Variants in DLGAP2 observed in about 807,000 individuals in gnomAD.
DLGAP2 encodes the protein disks large-associated protein 2.
In DLGAP2, 26 loss-of-function variants were observed where a neutral mutation model predicts 100.3. The ratio of observed to expected loss-of-function variants is 0.26; its 90% confidence interval spans 0.19 to 0.36. The LOEUF is 0.36. DLGAP2 is among the 10% of genes least tolerant of loss of function. The pLI, the probability that DLGAP2 is intolerant of heterozygous loss-of-function variation, is 1.00. For missense variants in DLGAP2, 1,858 were observed against 1,453.2 expected, an observed-to-expected ratio of 1.28 and a Z score of -4.53; for synonymous variants, 886 against 630.1, an observed-to-expected ratio of 1.41 and a Z score of -6.08.
intron 3 of DLGAP2, among the ~76,000 whole-genome samples, chr8:1,482,087 G>C (rs1799115387): frequency 1.3e-5 from 2 of 152,360 alleles, no homozygotes; most frequent in Non-Finnish European, 2.9e-5. Flanking sequence ...AGAAATGAAA[G>C]CATCCAAGTG....
chr8:1,048,729 G>A (rs770087739), intron 2 of DLGAP2, among the ~76,000 whole-genome samples: 4 of 151,912 alleles, frequency 2.6e-5, no homozygotes, highest in Admixed American at 6.6e-5. Flanking sequence ...CTGGGGCTGC[G>A]GTGGGCCTAG....
chr8:1,029,543 G>A (rs771175143), intron 2 of DLGAP2, among the ~76,000 whole-genome samples: 36 of 131,320 alleles, frequency 2.7e-4, no homozygotes, highest in South Asian at 5.2e-4. Flanking sequence ...GACGACCAAC[G>A]GTGTCCAGCA....
chr8:899,970 A>G (rs1798217482), intron 1 of DLGAP2, among the ~76,000 whole-genome samples: 2 of 152,266 alleles, frequency 1.3e-5, no homozygotes, highest in South Asian at 4.1e-4. Flanking sequence ...CCATCCCAGA[A>G]GGCAGAAGAC....
At chr8:1,697,599 C>T (rs538717679) in intron 14 of DLGAP2, among the ~76,000 whole-genome samples, 1 of 152,374 alleles carries the variant, frequency 6.6e-6, no homozygotes, top group African/African-American at 2.4e-5. Context: ...CACAAGCAAA[C>T]CTGCAGCCTC....
intron 2 of DLGAP2, among the ~76,000 whole-genome samples, chr8:1,199,955 G>A (rs1053090108): frequency 5.5e-5 from 8 of 145,442 alleles, no homozygotes; most frequent in Non-Finnish European, 9.2e-5. Flanking sequence ...ACAACCCCCC[G>A]CAGAGGCCGG....
chr8:1,467,295 C>T (rs1217580592), intron 3 of DLGAP2, among the ~76,000 whole-genome samples: 1 of 152,184 alleles, frequency 6.6e-6, no homozygotes, highest in Non-Finnish European at 1.5e-5. Flanking sequence ...ACATCCAGCC[C>T]TCCTTATGGT....
chr8:1,439,846 T>C (rs949788204), intron 3 of DLGAP2, among the ~76,000 whole-genome samples: 3 of 152,184 alleles, frequency 2.0e-5, no homozygotes, highest in African/African-American at 7.2e-5. Context: ...GTGAGGTGCT[T>C]GCTCTGGAGG....
intron 2 of DLGAP2, among the ~76,000 whole-genome samples, chr8:1,128,383 C>T (rs1442539208): frequency 6.6e-6 from 1 of 152,210 alleles, no homozygotes; most frequent in Non-Finnish European, 1.5e-5. Flanking sequence ...TCTGTGAGGG[C>T]CTGCAGGGAA....
intron 2 of DLGAP2, among the ~76,000 whole-genome samples, chr8:1,069,954 C>T (rs1803377258): frequency 6.6e-6 from 1 of 152,174 alleles, no homozygotes; most frequent in South Asian, 2.1e-4. Flanking sequence ...CGTCAGAGGA[C>T]AGAGGGAAGG....
chr8:996,093 C>G (rs137863425), intron 2 of DLGAP2, among the ~76,000 whole-genome samples: 2 of 152,172 alleles, frequency 1.3e-5, no homozygotes, highest in Non-Finnish European at 2.9e-5. Context: ...AAAGTAGTTC[C>G]TCAGACCAGT....
chr8:1,287,470 G>C (rs1196366456), intron 3 of DLGAP2, among the ~76,000 whole-genome samples: 1 of 69,642 alleles, frequency 1.4e-5, no homozygotes, highest in East Asian at 3.7e-4. Flanking sequence ...TTTCGGTTCA[G>C]CGTGTGTGTG....
chr8:1,095,507 G>A (rs763079531), intron 2 of DLGAP2, among the ~76,000 whole-genome samples: 4 of 152,170 alleles, frequency 2.6e-5, no homozygotes, highest in Non-Finnish European at 4.4e-5. Flanking sequence ...TCTACTTCCT[G>A]GTGACCTTTC....
chr8:1,326,510 G>A (rs1327665716), intron 3 of DLGAP2, among the ~76,000 whole-genome samples: 2 of 151,848 alleles, frequency 1.3e-5, no homozygotes, highest in Non-Finnish European at 2.9e-5. Flanking sequence ...CTCAGGACAC[G>A]GCGTGCACTC....
intron 2 of DLGAP2, among the ~76,000 whole-genome samples, chr8:1,195,273 C>G (rs938849019): frequency 2.0e-5 from 3 of 152,298 alleles, no homozygotes; most frequent in East Asian, 3.9e-4. Context: ...TGGCCAAGCA[C>G]CCAGTTAGAA....
Position 1,098,761 on chromosome 8 carries a change from G to A in DLGAP2, c.74-160090G>A, listed in dbSNP as rs560346800. On this transcript the variant is annotated intron_variant, in intron 2 of 14. Coordinates refer to ENST00000637795, the MANE Select transcript of DLGAP2 (RefSeq NM_001346810.2). ...ACGCCAGGCTCCCGGCCGCCCACGG[G>A]CGCCGCCACCCACGCCAGGCTCCCG... Among the ~76,000 whole-genome samples, 511 of 105,044 alleles carry A rather than the reference G, an allele frequency of 4.9e-3. 1 individual carries two copies. The highest frequency in any genetic ancestry group is 0.015 in the African/African-American group (452 of 29,490). 68.9% of individuals were successfully genotyped at this position (105,044 alleles called of 152,430 possible). A position where few individuals can be genotyped will look rare whatever the true frequency, so the allele number is the denominator to read the frequency against.
chr8:818,617 G>A (rs1483186811), intron 1 of DLGAP2, among the ~76,000 whole-genome samples: 1 of 152,204 alleles, frequency 6.6e-6, no homozygotes, highest in Non-Finnish European at 1.5e-5. Flanking sequence ...GTACATCCGA[G>A]TGGGAGCTGC....
intron 8 of DLGAP2, among the ~76,000 whole-genome samples, chr8:1,661,706 A>G (rs996978445): frequency 1.3e-5 from 2 of 152,200 alleles, no homozygotes; most frequent in Non-Finnish European, 2.9e-5. Flanking sequence ...TTGGAGCTCC[A>G]TGATGCTATC....
At chr8:1,645,652 A>G (rs776409739) in intron 8 of DLGAP2, among the ~76,000 whole-genome samples, 5 of 152,256 alleles carry the variant, frequency 3.3e-5, no homozygotes, top group Non-Finnish European at 7.3e-5. Flanking sequence ...TTGATTATCC[A>G]GACAATAATC....
At chr8:1,494,726 TA>T (rs377747376) in intron 3 of DLGAP2, among the ~76,000 whole-genome samples, 1,800 of 145,556 alleles carry the variant, frequency 0.012, 15 homozygotes, top group Non-Finnish European at 0.017. Context: ...AGACTCCATC[TA>T]AAAAAAAAAG....
Sources: gnomAD v4.1 joint callset for allele counts (sites outside exome capture counted in the v4.1 genomes callset) on GRCh38, gnomAD v4.1.1 for gene constraint, MANE v1.5 for transcripts, NCBI Gene and HGNC (gene_info 2026-07-23, HGNC 2026-07-21) for gene names.